POLA1: variants seen among roughly 807,000 people sequenced by gnomAD.
The protein encoded by POLA1 is DNA polymerase alpha 1, catalytic subunit.
In POLA1, 15 loss-of-function variants were observed where a neutral mutation model predicts 124.0. The ratio of observed to expected loss-of-function variants is 0.12; its 90% CI spans 0.08 to 0.19. The LOEUF is 0.19. Among genes scored for constraint, POLA1 ranks in the 10% least tolerant of loss-of-function variants. POLA1 has a pLI of 1.00. For synonymous variants in POLA1, 408 were observed against 389.4 expected (o/e 1.05, Z -0.56); for missense variants, 886 against 1,103.4 (o/e 0.80, Z 2.79).
rs1347974953 is a variant in POLA1, at chrX:24,909,805, G to T, written c.4165-20648G>T. On this transcript the variant is annotated intron_variant, in intron 35 of 36. Coordinates refer to ENST00000379068, the MANE Select transcript of POLA1 (RefSeq NM_001330360.2). ...TTGGTAGCTTGATGGGGATGGCATT[G>T]AATCTATAAATTACCTTGGGCAGTA... Among the ~76,000 whole-genome samples, 455 of 109,965 alleles carry T rather than the reference G, an allele frequency of 4.1e-3. 1 individual carries two copies. The highest frequency in any genetic ancestry group is 7.5e-3 in the Non-Finnish European group (393 of 52,363).
chrX:24,975,355 T>C (rs1601924657), intron 36 of POLA1, among the ~76,000 whole-genome samples: 1 of 112,164 alleles, frequency 8.9e-6, no homozygotes, highest in Non-Finnish European at 1.9e-5. Context: ...TATATTGATA[T>C]GGAACAGAGG....
chrX:24,971,625 C>T (rs986580736), intron 36 of POLA1, among the ~76,000 whole-genome samples: 5 of 112,366 alleles, frequency 4.4e-5, no homozygotes, highest in African/African-American at 1.6e-4. Flanking sequence ...CCAACCTCCA[C>T]TCAACCAGGC....
At chrX:24,985,486 T>C (rs1484374213) in intron 36 of POLA1, among the ~76,000 whole-genome samples, 1 of 112,900 alleles carries the variant, frequency 8.9e-6, no homozygotes, top group African/African-American at 3.2e-5. Flanking sequence ...TCTTGTACAG[T>C]GTAGGCCTAA....
chrX:24,783,415 A>G (rs1484074727), intron 26 of POLA1, among the ~76,000 whole-genome samples: 3 of 111,958 alleles, frequency 2.7e-5, no homozygotes, highest in South Asian at 3.7e-4. Context: ...CACAAGTGCA[A>G]TATATAATGT....
chrX:24,694,127 G>T, intron 1 of POLA1, 123 bp downstream of exon 1: 1 of 705,662 alleles, frequency 1.4e-6, no homozygotes, highest in African/African-American at 2.2e-5. Context: ...CGTCCCCGGC[G>T]GGGGCCCTTC....
chrX:24,850,191 G>T (rs1269919442), intron 34 of POLA1, among the ~76,000 whole-genome samples: 1 of 112,282 alleles, frequency 8.9e-6, no homozygotes, highest in Admixed American at 9.4e-5. Context: ...TTTGAGTCAG[G>T]TATAACATTT....
At chrX:24,814,426 G>C (rs2045956410) in intron 29 of POLA1, among the ~76,000 whole-genome samples, 1 of 111,692 alleles carries the variant, frequency 9.0e-6, no homozygotes, top group African/African-American at 3.3e-5. Context: ...AATAGCGTAA[G>C]GGAGAACACT....
At chrX:24,718,786 G>T (rs958660246) in intron 10 of POLA1, among the ~76,000 whole-genome samples, 1 of 111,924 alleles carries the variant, frequency 8.9e-6, no homozygotes, top group Admixed American at 9.4e-5. Context: ...GTCAATCCAG[G>T]GCAGGGCTGC....
intron 35 of POLA1, among the ~76,000 whole-genome samples, chrX:24,890,192 A>G (rs1465972815): frequency 1.8e-5 from 2 of 109,122 alleles, no homozygotes; most frequent in East Asian, 2.9e-4. Flanking sequence ...GGTTCAAGCA[A>G]TTCTCCTGCC....
intron 1 of POLA1, among the ~76,000 whole-genome samples, chrX:24,699,187 A>C (rs1362440405): frequency 1.8e-5 from 2 of 112,411 alleles, no homozygotes; most frequent in Non-Finnish European, 3.7e-5. Flanking sequence ...TAGAGAAAAA[A>C]ATAACAGTGA....
chrX:24,934,333 A>C (rs1466470006), intron 36 of POLA1, among the ~76,000 whole-genome samples: 1 of 112,198 alleles, frequency 8.9e-6, no homozygotes, highest in Non-Finnish European at 1.9e-5. Flanking sequence ...CAGAGGAACA[A>C]AGGTGGATGG....
chrX:24,694,185 C>T (rs1320908753), intron 1 of POLA1, among the ~76,000 whole-genome samples, 181 bp downstream of exon 1: 2 of 112,798 alleles, frequency 1.8e-5, no homozygotes, highest in African/African-American at 6.4e-5. Flanking sequence ...CTTGGAGGAC[C>T]AGAGCCTGGA....
At chrX:24,819,619 G>A (rs2046052739) in intron 30 of POLA1, among the ~76,000 whole-genome samples, 1 of 111,670 alleles carries the variant, frequency 9.0e-6, no homozygotes, top group Non-Finnish European at 1.9e-5. Context: ...TTGTACTCAA[G>A]GGTTGAGAGC....
intron 4 of POLA1, 21 bp from the exon 5 acceptor site, chrX:24,714,533 A>G (rs1427254326): frequency 9.8e-7 from 1 of 1,019,631 alleles, no homozygotes; most frequent in East Asian, 3.1e-5. Flanking sequence ...GCATGTTTCT[A>G]AATAATTCAT....
chrX:24,882,036 T>C (rs2047009715), intron 34 of POLA1, among the ~76,000 whole-genome samples: 1 of 110,348 alleles, frequency 9.1e-6, no homozygotes, highest in Non-Finnish European at 1.9e-5. Flanking sequence ...GCCCTTTGCA[T>C]TGGATATAAG....
intron 35 of POLA1, among the ~76,000 whole-genome samples, chrX:24,897,875 A>G (rs1218443184): frequency 1.8e-5 from 2 of 112,305 alleles, no homozygotes; most frequent in African/African-American, 6.5e-5. Flanking sequence ...TGCTTGCTGA[A>G]TAAAACATTA....
Position 24,942,870 on chromosome X carries a change from A to G in POLA1, c.4261+12321A>G, listed in dbSNP as rs1206074300. Among the ~76,000 whole-genome samples, 3 of 111,255 alleles carry G rather than the reference A, an allele frequency of 2.7e-5. No individual in the cohort carries two copies. The East Asian group carries it at 8.4e-4, about 31-fold the overall frequency. ...GCCACCACGCCCAGCTAATTTTTGTATTTTTTTGTAGAGATGGGGTTTCAC... is the reference window on the plus strand; with the variant it reads ...GCCACCACGCCCAGCTAATTTTTGTGTTTTTTTGTAGAGATGGGGTTTCAC... On this transcript the variant is annotated intron_variant, in intron 36 of 36. Transcript: ENST00000379068.
chrX:24,903,402 T>A (rs902561235), intron 35 of POLA1, among the ~76,000 whole-genome samples: 6 of 112,472 alleles, frequency 5.3e-5, no homozygotes, highest in Admixed American at 1.9e-4. Flanking sequence ...GGAACATCTG[T>A]CAACCAGATA....
chrX:24,914,538 AAAAGG>A (rs2047501367), intron 35 of POLA1, among the ~76,000 whole-genome samples: 1 of 110,149 alleles, frequency 9.1e-6, no homozygotes, highest in African/African-American at 3.3e-5. Context: ...CAAAAAAAAA[AAAAGG>A]AAAGTCATTC....
Sources: allele counts gnomAD v4.1 joint callset (sites outside exome capture counted in the v4.1 genomes callset), GRCh38; gene constraint gnomAD v4.1.1; transcripts MANE v1.5; gene names NCBI Gene and HGNC (gene_info 2026-07-23, HGNC 2026-07-21).